VIT: variants seen among roughly 807,000 people sequenced by gnomAD.
VIT encodes the protein vitrin.
A neutral mutation model predicts 78.0 loss-of-function variants in VIT; 99 were observed. The observed-to-expected ratio is 1.27, with a 90% CI of 1.08 to 1.50. The LOEUF (loss-of-function observed/expected upper bound fraction) is 1.50. Ranked by LOEUF, VIT falls within the 40% of genes most tolerant of loss-of-function variation. The pLI, the probability that VIT is intolerant of heterozygous loss-of-function variation, is 0.00. For synonymous variants in VIT, 374 were observed against 334.3 expected (o/e 1.12, Z -1.29); for missense variants, 1,126 against 875.3 (o/e 1.29, Z -3.61).
At chr2:36,703,106 A>AT (rs1665169260) in intron 1 of VIT, among the ~76,000 whole-genome samples, 1 of 152,222 alleles carries the variant, frequency 6.6e-6, no homozygotes, top group African/African-American at 2.4e-5. Flanking sequence ...CATCAGCCCC[A>AT]GAGACACAAC....
intron 4 of VIT, among the ~76,000 whole-genome samples, chr2:36,747,395 T>G (rs752355958): frequency 1.3e-5 from 2 of 152,202 alleles, no homozygotes; most frequent in Non-Finnish European, 2.9e-5. Flanking sequence ...CAGTGGAGTG[T>G]TGAAGTCCCC....
At chr2:36,774,626 T>C (rs1669944557) in intron 8 of VIT, 1 of 985,426 alleles carries the variant, frequency 1.0e-6, no homozygotes, top group Non-Finnish European at 1.2e-6. Flanking sequence ...AGGGGCCCAA[T>C]GGGCTCCTCT....
intron 12 of VIT, among the ~76,000 whole-genome samples, chr2:36,791,453 T>C (rs1665496796): frequency 6.6e-6 from 1 of 152,222 alleles, no homozygotes. Flanking sequence ...CCGTGAATGT[T>C]TTACCTCACA....
intron 6 of VIT, among the ~76,000 whole-genome samples, chr2:36,763,878 C>T (rs567049983): frequency 1.3e-5 from 2 of 152,236 alleles, no homozygotes; most frequent in Admixed American, 6.5e-5. Context: ...CGTCTATCTT[C>T]CCTCTTAAAG....
At position 36,738,427 on chromosome 2, in the gene VIT, C is replaced by T. The variant is rs115963726; in HGVS notation, c.119-4673C>T. ...GTTTTGTAAGGACCAAATGAAAGAA[C>T]CTATATTAGGGTCCTTTGTAAACTA... On this transcript the variant is annotated intron_variant, in intron 3 of 15. Transcript: ENST00000379242. Among the ~76,000 whole-genome samples the T allele has an allele frequency of 2.9e-3, 410 of 138,988 alleles. 4 individuals carry two copies. The highest frequency in any genetic ancestry group is 0.011 in the Middle Eastern group (3 of 264). 91.2% of individuals were successfully genotyped at this position (138,988 alleles called of 152,430 possible).
At chr2:36,748,844 T>G (rs1269268891) in intron 4 of VIT, among the ~76,000 whole-genome samples, 1 of 152,262 alleles carries the variant, frequency 6.6e-6, no homozygotes, top group East Asian at 1.9e-4. Context: ...TTTCAGTGTT[T>G]TCTCTCAAAA....
intron 3 of VIT, among the ~76,000 whole-genome samples, chr2:36,737,763 G>C (rs758188092): frequency 1.3e-5 from 2 of 152,220 alleles, no homozygotes; most frequent in African/African-American, 4.8e-5. Context: ...CATGCACACA[G>C]CTTCTTGGGT....
chr2:36,729,006 A>G (rs1306393994), intron 2 of VIT, among the ~76,000 whole-genome samples: 2 of 152,030 alleles, frequency 1.3e-5, no homozygotes, highest in Non-Finnish European at 2.9e-5. Context: ...GTGTCCTCTA[A>G]AGGTGTACCA....
At chr2:36,804,626 T>A (rs1039824522) in intron 13 of VIT, among the ~76,000 whole-genome samples, 1 of 152,092 alleles carries the variant, frequency 6.6e-6, no homozygotes, top group African/African-American at 2.4e-5. Context: ...GATCAAGAGA[T>A]CGAGACCATC....
chr2:36,767,420 T>C, intron 7 of VIT, 135 bp downstream of exon 7: 1 of 858,188 alleles, frequency 1.2e-6, no homozygotes, highest in South Asian at 3.5e-5. Flanking sequence ...GGTATGTTAT[T>C]TGTGTCCTCC....
intron 7 of VIT, among the ~76,000 whole-genome samples, chr2:36,768,904 T>C (rs1344468596): frequency 6.6e-6 from 1 of 152,234 alleles, no homozygotes; most frequent in African/African-American, 2.4e-5. Context: ...ATAAGAATTA[T>C]TATTATGCTA....
intron 7 of VIT, among the ~76,000 whole-genome samples, chr2:36,770,860 A>G (rs1669703277): frequency 6.6e-6 from 1 of 152,230 alleles, no homozygotes; most frequent in South Asian, 2.1e-4. Flanking sequence ...TCCACAACCA[A>G]GGGTAGACCA....
At chr2:36,773,038 T>C (rs779047465) in intron 7 of VIT, among the ~76,000 whole-genome samples, 3 of 152,234 alleles carry the variant, frequency 2.0e-5, no homozygotes, top group Non-Finnish European at 2.9e-5. Flanking sequence ...CACAGAGTAA[T>C]TAACGATAAC....
chr2:36,705,841 G>A (rs1269818885), intron 1 of VIT, among the ~76,000 whole-genome samples: 2 of 152,194 alleles, frequency 1.3e-5, no homozygotes, highest in Non-Finnish European at 2.9e-5. Flanking sequence ...CTATTGGCCT[G>A]TGGGGCTGAG....
At chr2:36,805,365 GT>G (rs1182144933) in intron 13 of VIT, 72 bp from the exon 14 acceptor site, 1 of 1,360,460 alleles carries the variant, frequency 7.4e-7, no homozygotes, top group African/African-American at 1.5e-5. Context: ...GGACCTCTTT[GT>G]GCTGCTGTGA....
intron 3 of VIT, among the ~76,000 whole-genome samples, chr2:36,738,986 G>A (rs898410101): frequency 7.2e-5 from 11 of 152,108 alleles, no homozygotes; most frequent in Non-Finnish European, 8.8e-5. Context: ...TAGATATCAG[G>A]ATCAAGGAGA....
chr2:36,770,628 A>T lies in VIT; in HGVS notation c.680-3163A>T, dbSNP rs146665979. ...AGGCTGTTCTTCATGGGAAAGGCCA[A>T]GGACAATGGCATCAGAGGGGGAAGC... On this transcript the variant is annotated intron_variant, in intron 7 of 15. Transcript: ENST00000379242. Among the ~76,000 whole-genome samples the T allele has an allele frequency of 2.9e-3, 447 of 152,290 alleles. 2 individuals carry two copies. The highest frequency in any genetic ancestry group is 0.01 in the African/African-American group (431 of 41,562).
At chr2:36,797,923 T>A (rs1441973248) in intron 12 of VIT, among the ~76,000 whole-genome samples, 1 of 152,106 alleles carries the variant, frequency 6.6e-6, no homozygotes, top group Non-Finnish European at 1.5e-5. Flanking sequence ...GATTGTCAGC[T>A]GGGGCTGGGA....
chr2:36,784,871 C>G (rs1664988101), intron 11 of VIT, among the ~76,000 whole-genome samples: 1 of 152,178 alleles, frequency 6.6e-6, no homozygotes, highest in South Asian at 2.1e-4. Flanking sequence ...CAAAACATGC[C>G]CTGAGCTGGA....
Sources: allele counts gnomAD v4.1 joint callset (sites outside exome capture counted in the v4.1 genomes callset), GRCh38; gene constraint gnomAD v4.1.1; transcripts MANE v1.5; gene names NCBI Gene and HGNC (gene_info 2026-07-23, HGNC 2026-07-21).